Variants in POLK observed in about 807,000 individuals in gnomAD.
POLK encodes DNA polymerase kappa, also known as polymerase (DNA directed) kappa.
Under a neutral mutation model 94.0 loss-of-function variants are expected in POLK, and 76 were observed. The observed-to-expected ratio is 0.81, with a 90% CI of 0.67 to 0.98. POLK has a LOEUF of 0.98. Among genes scored for constraint, POLK ranks in the 50% least tolerant of loss-of-function variants. POLK has a pLI of 0.00. For missense variants in POLK, 954 were observed against 1,010.1 expected, an observed-to-expected ratio of 0.94 and a Z score of 0.75; for synonymous variants, 349 against 325.4, an observed-to-expected ratio of 1.07 and a Z score of -0.78.
intron 1 of POLK, among the ~76,000 whole-genome samples, chr5:75,517,970 C>T (rs1029820329): frequency 3.9e-5 from 6 of 152,128 alleles, no homozygotes; most frequent in Non-Finnish European, 7.4e-5. Context: ...ACTATCCTTG[C>T]GTCCCTTGGA....
chr5:75,526,727 G>A (rs1334291570), intron 1 of POLK, among the ~76,000 whole-genome samples: 9 of 151,814 alleles, frequency 5.9e-5, no homozygotes, highest in Middle Eastern at 3.4e-3. Context: ...GATTACAGAC[G>A]TGCACCACCA....
At chr5:75,536,334 C>T (rs1329067135) in intron 1 of POLK, among the ~76,000 whole-genome samples, 1 of 152,120 alleles carries the variant, frequency 6.6e-6, no homozygotes, top group Non-Finnish European at 1.5e-5. Flanking sequence ...GCAACATCAG[C>T]CCTAATCTGC....
chr5:75,578,331 A>G (rs1017935550), intron 6 of POLK, among the ~76,000 whole-genome samples: 1 of 151,946 alleles, frequency 6.6e-6, no homozygotes, highest in African/African-American at 2.4e-5. Context: ...AATTTTTTGT[A>G]TTTTTAGTAG....
intron 3 of POLK, among the ~76,000 whole-genome samples, chr5:75,566,545 A>C (rs868226110): frequency 6.6e-6 from 1 of 152,166 alleles, no homozygotes; most frequent in Non-Finnish European, 1.5e-5. Flanking sequence ...ACAGTGGGAA[A>C]AGCGTAATAT....
chr5:75,575,665 A>G (rs1422877505), intron 5 of POLK, among the ~76,000 whole-genome samples: 2 of 152,156 alleles, frequency 1.3e-5, no homozygotes, highest in Non-Finnish European at 2.9e-5. Context: ...ACAGAGTTTC[A>G]TTTTCATTGG....
chr5:75,530,206 C>T (rs1339585265), intron 1 of POLK, among the ~76,000 whole-genome samples: 1 of 147,790 alleles, frequency 6.8e-6, no homozygotes, highest in East Asian at 2.0e-4. Context: ...ATGTTTCTCA[C>T]ATTTCAGGGT....
intron 1 of POLK, among the ~76,000 whole-genome samples, chr5:75,528,671 C>G (rs1200890118): frequency 6.6e-6 from 1 of 151,570 alleles, no homozygotes. Context: ...AAAATTTGGG[C>G]AAGGTGGCAC....
intron 1 of POLK, among the ~76,000 whole-genome samples, chr5:75,516,804 C>T (rs920801508): frequency 2.0e-5 from 3 of 152,070 alleles, no homozygotes; most frequent in African/African-American, 7.2e-5. Context: ...ATTTTTGTAT[C>T]AAAAATCAAA....
intron 1 of POLK, among the ~76,000 whole-genome samples, chr5:75,533,814 A>G (rs1561342954): frequency 1.3e-5 from 2 of 152,134 alleles, no homozygotes; most frequent in Non-Finnish European, 2.9e-5. Flanking sequence ...CCTCCCTTTC[A>G]ATACCTAGTT....
intron 1 of POLK, among the ~76,000 whole-genome samples, chr5:75,515,976 T>A (rs1466091818): frequency 2.0e-5 from 3 of 152,212 alleles, no homozygotes; most frequent in Non-Finnish European, 4.4e-5. Flanking sequence ...ATTTCTATGA[T>A]GATTAGTGAT....
chr5:75,593,747 G>A (rs1772912386), intron 11 of POLK, 131 bp from the exon 12 acceptor site: 1 of 497,252 alleles, frequency 2.0e-6, no homozygotes, highest in Non-Finnish European at 3.5e-6. Flanking sequence ...GGAGGCTGAG[G>A]CAAGAGGATT....
At chr5:75,518,261 A>G (rs191542516) in intron 1 of POLK, among the ~76,000 whole-genome samples, 58 of 152,298 alleles carry the variant, frequency 3.8e-4, no homozygotes, top group Admixed American at 1.6e-3. Context: ...TGAAGCCATC[A>G]GGTTCCAGGC....
chr5:75,608,202 T>G, the POLK span, among the ~76,000 whole-genome samples: 8 of 152,194 alleles, frequency 5.3e-5, no homozygotes, highest in East Asian at 1.4e-3. Context: ...AATTAATTTT[T>G]TTTTTTTTTG....
upstream of POLK, chr5:75,510,972 TC>T: frequency 8.4e-7 from 1 of 1,197,558 alleles, no homozygotes; most frequent in East Asian, 2.8e-5. Flanking sequence ...CCCCGCCTCA[TC>T]CCTAGTCGCT....
intron 11 of POLK, among the ~76,000 whole-genome samples, chr5:75,592,241 A>G (rs1450579860): frequency 6.6e-6 from 1 of 152,254 alleles, no homozygotes; most frequent in Non-Finnish European, 1.5e-5. Flanking sequence ...TTGGCATAGC[A>G]TCTGGCAATG....
exon 15 of POLK, chr5:75,599,643 C>G (rs1159047664): frequency 6.6e-6 from 1 of 152,102 alleles, no homozygotes; most frequent in Non-Finnish European, 1.5e-5. Flanking sequence ...ATTTAATGTA[C>G]TGAAAGGTAA....
At chr5:75,581,031 T>C (rs539169511) in intron 6 of POLK, among the ~76,000 whole-genome samples, 178 bp from the exon 7 acceptor site, 1 of 152,250 alleles carries the variant, frequency 6.6e-6, no homozygotes, top group South Asian at 2.1e-4. Flanking sequence ...TAATCAGTGT[T>C]CTCTTTAATG....
chr5:75,544,003 T>G (rs1769882364), intron 1 of POLK, among the ~76,000 whole-genome samples: 1 of 152,018 alleles, frequency 6.6e-6, no homozygotes, highest in Non-Finnish European at 1.5e-5. Context: ...CTGGCTAATT[T>G]TTTACTTTTA....
In POLK at chr5:75,546,755, T is replaced by C. The variant is rs190905269; in HGVS notation, c.-13-255T>C. 2.0e-3 allele frequency among the ~76,000 whole-genome samples: 299 copies of C among 151,988 alleles called. 2 individuals are homozygous for C. Among genetic ancestry groups the C allele is most frequent in the African/African-American group, 6.3e-3 (260 of 41,436 alleles). ...ATCTCGGCTCACTGCAACCTCTGCC[T>C]CCCGGGTTCAAGCAATTCTCCTGCC... On this transcript the variant is annotated intron_variant, in intron 1 of 14. Coordinates refer to ENST00000241436, the Ensembl canonical transcript of POLK.
Sources: allele counts gnomAD v4.1 joint callset (sites outside exome capture counted in the v4.1 genomes callset), GRCh38; gene constraint gnomAD v4.1.1; transcripts MANE v1.5; gene names NCBI Gene and HGNC (gene_info 2026-07-23, HGNC 2026-07-21).